Variants in QRICH1 observed in about 807,000 individuals in gnomAD.
The protein encoded by QRICH1 is transcriptional regulator QRICH1.
Under a neutral mutation model 87.1 loss-of-function variants are expected in QRICH1, and 16 were observed. That is an observed-to-expected ratio of 0.18 (90% confidence interval 0.12 to 0.28). The LOEUF (loss-of-function observed/expected upper bound fraction) is 0.28, where lower values mean the gene tolerates loss of function less well. QRICH1 is among the 10% of genes least tolerant of loss of function. The pLI, the probability that QRICH1 is intolerant of heterozygous loss-of-function variation, is 1.00. For synonymous variants in QRICH1, 367 were observed against 368.4 expected (o/e 1.00, Z 0.05); for missense variants, 647 against 951.7 (o/e 0.68, Z 4.21).
At chr3:49,086,738 G>A (rs1299773195) in intron 1 of QRICH1, 1 of 151,876 alleles carries the variant, frequency 6.6e-6, no homozygotes, top group Non-Finnish European at 1.5e-5. Context: ...TTTCCGTTTA[G>A]GTACCAAGGG....
Position 49,067,950 on chromosome 3 carries a change from C to CA in QRICH1, c.309+8758dup, listed in dbSNP as rs202115980. Among the ~76,000 whole-genome samples, 165 of 133,198 alleles carry CA rather than the reference C, an allele frequency of 1.2e-3. 1 individual carries two copies. Among genetic ancestry groups the CA allele is most frequent in the East Asian group, 7.8e-3 (35 of 4,470 alleles). 87.4% of individuals were successfully genotyped at this position (133,198 alleles called of 152,430 possible). A position where few individuals can be genotyped will look rare whatever the true frequency, so the allele number is the denominator to read the frequency against. ...CAGGCGATAGAGCGAGACTCCGTCT[C>CA]AAAAAAAAAAAAATTTGGAAACAAA... On this transcript the variant is annotated intron_variant, in intron 2 of 9. Transcript: ENST00000395443.
intron 3 of QRICH1, among the ~76,000 whole-genome samples, chr3:49,056,348 T>G (rs1031031970): frequency 7.2e-5 from 11 of 152,210 alleles, no homozygotes; most frequent in Non-Finnish European, 1.5e-4. Context: ...TGGTGATCAC[T>G]TTTAACAGGC....
chr3:49,071,371 G>A (rs1364904137), intron 2 of QRICH1, among the ~76,000 whole-genome samples: 3 of 152,084 alleles, frequency 2.0e-5, no homozygotes, highest in East Asian at 3.9e-4. Context: ...TTATGAGAAA[G>A]CGGGGCCAGG....
chr3:49,041,336 AAT>A lies in QRICH1; in HGVS notation c.1786+3052_1786+3053del, dbSNP rs527548786. Among the ~76,000 whole-genome samples the A allele has an allele frequency of 3.3e-3, 325 of 99,462 alleles. 2 individuals are homozygous for A. Among genetic ancestry groups the A allele is most frequent in the Admixed American group, 5.2e-3 (42 of 8,142 alleles). 65.3% of individuals were successfully genotyped at this position (99,462 alleles called of 152,430 possible). On this transcript the variant is annotated intron_variant, in intron 6 of 9. Coordinates refer to ENST00000395443, the MANE Select transcript of QRICH1 (RefSeq NM_198880.3). ...TGGTGAGGTATCTGGTCAGATATTT[AAT>A]ATGTGTGTGTGTGTGTGTGTGTGTT...
chr3:49,085,692 A>C (rs1456355435), intron 1 of QRICH1, among the ~76,000 whole-genome samples: 2 of 150,688 alleles, frequency 1.3e-5, no homozygotes, highest in Non-Finnish European at 3.0e-5. Flanking sequence ...TGGGAGGTGG[A>C]GGTTGCAGTG....
chr3:49,086,418 G>A (rs1044335131), intron 1 of QRICH1, among the ~76,000 whole-genome samples: 8 of 151,858 alleles, frequency 5.3e-5, no homozygotes, highest in Admixed American at 6.6e-5. Flanking sequence ...CACCACGCCC[G>A]GCTAATTTTT....
chr3:49,089,568 A>T (rs895186969), intron 1 of QRICH1, among the ~76,000 whole-genome samples: 1 of 152,182 alleles, frequency 6.6e-6, no homozygotes, highest in Non-Finnish European at 1.5e-5. Context: ...CATTGTTAAG[A>T]GCCAAAAGCT....
chr3:49,057,423 G>C lies in QRICH1; in HGVS notation c.777C>G (p.Ala259=), dbSNP rs2093408962. 6.2e-7 allele frequency: 1 copy of C among 1,614,020 alleles called. No individual in the cohort carries two copies. The highest frequency in any genetic ancestry group is 8.5e-7 in the Non-Finnish European group (1 of 1,180,050). The change falls in exon 3 of 10, where the codon GCC becomes GCG. Residue 259 remains alanine (A), a synonymous_variant. Coordinates refer to ENST00000395443, the MANE Select transcript of QRICH1 (RefSeq NM_198880.3). The surrounding 1 kb of genome is among the most constrained non-coding windows in gnomAD (Gnocchi z 5.4). ...KVDMPITVSY[A]ISGQPVATVL... ...CGGTGGCCACCGGCTGCCCTGAGATGGCGTAGGACACAGTGATGGGCATGT... is the reference window on the plus strand; with the variant it reads ...CGGTGGCCACCGGCTGCCCTGAGATCGCGTAGGACACAGTGATGGGCATGT...
chr3:49,056,859 T>C lies in QRICH1; in HGVS notation c.1338+3A>G. ...CCTGCCCTACTGATAAGTCTTCACTTACTGAACAAGTAACTTGGAGTTGCT... is the reference window on the plus strand; with the variant it reads ...CCTGCCCTACTGATAAGTCTTCACTCACTGAACAAGTAACTTGGAGTTGCT... On this transcript the variant is annotated splice_donor_region_variant and intron_variant, in intron 3 of 9. Coordinates refer to ENST00000395443, the MANE Select transcript of QRICH1 (RefSeq NM_198880.3). 6.2e-7 allele frequency: 1 copy of C among 1,614,176 alleles called. No individual in the cohort carries two copies. The highest frequency in any genetic ancestry group is 8.5e-7 in the Non-Finnish European group (1 of 1,180,022).
chr3:49,086,569 G>C (rs753690984), intron 1 of QRICH1, among the ~76,000 whole-genome samples: 1 of 151,972 alleles, frequency 6.6e-6, no homozygotes, highest in Non-Finnish European at 1.5e-5. Flanking sequence ...CCTCCTACTG[G>C]AGCTTAGCAT....
At chr3:49,088,976 T>C (rs2042222070) in intron 1 of QRICH1, among the ~76,000 whole-genome samples, 1 of 152,096 alleles carries the variant, frequency 6.6e-6, no homozygotes. Context: ...TGATAGAAGT[T>C]ATCCCATTAG....
intron 2 of QRICH1, among the ~76,000 whole-genome samples, chr3:49,061,785 G>A (rs1222990796): frequency 6.6e-6 from 1 of 151,974 alleles, no homozygotes; most frequent in Non-Finnish European, 1.5e-5. Flanking sequence ...CAGGAGGTGG[G>A]GGTTGCAGTG....
intron 1 of QRICH1, among the ~76,000 whole-genome samples, chr3:49,089,833 C>T (rs1051361031): frequency 6.6e-6 from 1 of 152,202 alleles, no homozygotes; most frequent in Non-Finnish European, 1.5e-5. Flanking sequence ...CACAGAATAA[C>T]AGCTGTCTGT....
intron 6 of QRICH1, among the ~76,000 whole-genome samples, chr3:49,038,748 C>T (rs781581632): frequency 2.2e-4 from 33 of 152,230 alleles, no homozygotes; most frequent in African/African-American, 6.7e-4. Context: ...AAGTATGAGC[C>T]GGGCTCCGTA....
intron 6 of QRICH1, among the ~76,000 whole-genome samples, chr3:49,042,095 C>CG (rs1171265898): frequency 1.6e-4 from 6 of 37,096 alleles, no homozygotes; most frequent in African/African-American, 2.2e-4. Flanking sequence ...TTTTTTTGGG[C>CG]GGGGGGGCGG....
rs549457759 is a variant in QRICH1 at position 49,075,966 on chromosome 3, G to A, written c.309+743C>T. Among the ~76,000 whole-genome samples, 22 of 152,080 alleles carry A rather than the reference G, an allele frequency of 1.4e-4. No homozygotes were observed. In the South Asian group the frequency reaches 4.4e-3, roughly 30 times the overall value. On this transcript the variant is annotated intron_variant, in intron 2 of 9. Transcript: ENST00000395443. Reference sequence around the variant, plus strand: ...AGAAAAAAACAACCCAGGTGTGGCCGGGTGCGGTGGCTCATGCCTGTAATC... The same window carrying A: ...AGAAAAAAACAACCCAGGTGTGGCCAGGTGCGGTGGCTCATGCCTGTAATC...
chr3:49,048,481 A>C (rs961151860), intron 3 of QRICH1, among the ~76,000 whole-genome samples: 1 of 150,494 alleles, frequency 6.6e-6, no homozygotes, highest in African/African-American at 2.4e-5. Flanking sequence ...TTGCTTTAAA[A>C]AAAAAAAAAA....
At chr3:49,089,260 A>G (rs932341332) in intron 1 of QRICH1, among the ~76,000 whole-genome samples, 6 of 151,776 alleles carry the variant, frequency 4.0e-5, no homozygotes, top group African/African-American at 1.5e-4. Flanking sequence ...GGATTTCACC[A>G]TGTTGGCCAG....
chr3:49,032,412 G>C, intron 8 of QRICH1, 139 bp from the exon 9 acceptor site: 1 of 851,414 alleles, frequency 1.2e-6, no homozygotes, highest in Admixed American at 2.5e-5. Flanking sequence ...GGCATGGGCA[G>C]TGACTACTAA....
Sources: gnomAD v4.1 joint callset for allele counts (sites outside exome capture counted in the v4.1 genomes callset) on GRCh38, gnomAD v4.1.1 for gene constraint, Gnocchi (gnomAD v3.1) non-coding constraint, MANE v1.5 for transcripts, NCBI Gene and HGNC (gene_info 2026-07-23, HGNC 2026-07-21) for gene names.